PRKN: variants seen among roughly 807,000 people sequenced by gnomAD.
PRKN encodes E3 ubiquitin-protein ligase parkin.
A neutral mutation model predicts 59.5 loss-of-function variants in PRKN; 56 were observed. The observed-to-expected ratio is 0.94, with a 90% CI of 0.76 to 1.18. The LOEUF (loss-of-function observed/expected upper bound fraction) is 1.18. Among genes scored for constraint, PRKN ranks in the 50% most tolerant of loss-of-function variants. PRKN has a pLI of 0.00. For synonymous variants in PRKN, 250 were observed against 222.1 expected (o/e 1.13, Z -1.12); for missense variants, 657 against 596.4 (o/e 1.10, Z -1.06).
chr6:161,948,197 G>A (rs1333506835), intron 6 of PRKN, among the ~76,000 whole-genome samples: 1 of 152,076 alleles, frequency 6.6e-6, no homozygotes, highest in Non-Finnish European at 1.5e-5. Flanking sequence ...ATGTTGGCCA[G>A]GCTGGTCTTG....
intron 2 of PRKN, among the ~76,000 whole-genome samples, chr6:162,383,660 T>C (rs1389529411): frequency 6.6e-6 from 1 of 152,174 alleles, no homozygotes; most frequent in Non-Finnish European, 1.5e-5. Context: ...ACATTTGCCC[T>C]TCACAAAAGG....
intron 3 of PRKN, among the ~76,000 whole-genome samples, chr6:162,208,573 T>C (rs1231704560): frequency 6.6e-6 from 1 of 152,140 alleles, no homozygotes; most frequent in African/African-American, 2.4e-5. Context: ...AAATTTCCCA[T>C]ACCAAGACAA....
chr6:162,645,244 C>T (rs1358277036), intron 1 of PRKN, among the ~76,000 whole-genome samples: 1 of 152,038 alleles, frequency 6.6e-6, no homozygotes, highest in African/African-American at 2.4e-5. Flanking sequence ...CAGGAAATTA[C>T]ATAAAATATC....
intron 1 of PRKN, among the ~76,000 whole-genome samples, chr6:162,720,048 G>A (rs2849552): frequency 0.92 from 139,459 of 152,250 alleles, 64,035 homozygotes; most frequent in East Asian, 0.98. Flanking sequence ...TCTACTCTGC[G>A]GGTACAATAA....
chr6:162,697,672 T>C (rs1224155323), intron 1 of PRKN, among the ~76,000 whole-genome samples: 2 of 152,162 alleles, frequency 1.3e-5, no homozygotes, highest in Non-Finnish European at 2.9e-5. Flanking sequence ...TAGGATTTTA[T>C]TGAAGGTCAA....
chr6:162,381,361 A>G (rs1786474736), intron 2 of PRKN, among the ~76,000 whole-genome samples: 1 of 151,816 alleles, frequency 6.6e-6, no homozygotes, highest in Non-Finnish European at 1.5e-5. Context: ...CTGTATCCTA[A>G]TTTTCCCCAC....
At chr6:162,184,830 G>T (rs1783954507) in intron 4 of PRKN, among the ~76,000 whole-genome samples, 1 of 152,142 alleles carries the variant, frequency 6.6e-6, no homozygotes, top group South Asian at 2.1e-4. Context: ...GCAATATTGA[G>T]AAGTTTTGGT....
Position 161,530,728 on chromosome 6 carries a change from G to A in PRKN, c.1083+18126C>T, listed in dbSNP as rs944905935. ...AGACGGGGTTTCTCTATGTTGGTCA[G>A]GCCAGTCTCGAACTCCTGACCTCAG... On this transcript the variant is annotated intron_variant, in intron 9 of 11. Transcript: ENST00000366898. The surrounding 1 kb of genome is among the most constrained non-coding windows in gnomAD (Gnocchi z 5.0). Among the ~76,000 whole-genome samples, 3 of 151,752 alleles carry A rather than the reference G, an allele frequency of 2.0e-5. No individual in the cohort carries two copies. The highest frequency in any genetic ancestry group is 7.3e-5 in the African/African-American group (3 of 41,320).
rs186523930 is a variant in PRKN at position 162,043,827 on chromosome 6, G to A, written c.618+10264C>T. ...TCATACTGGATCATCCATTTCTAGC[G>A]ATTATAGATAACAGAGTTGCTGATA... On this transcript the variant is annotated intron_variant, in intron 5 of 11. Transcript: ENST00000366898. 3.1e-4 allele frequency among the ~76,000 whole-genome samples: 47 copies of A among 152,320 alleles called. 1 individual carries two copies. In the East Asian group the frequency reaches 6.4e-3, roughly 21 times the overall value.
At chr6:161,713,824 C>T (rs909585282) in intron 7 of PRKN, among the ~76,000 whole-genome samples, 5 of 152,084 alleles carry the variant, frequency 3.3e-5, no homozygotes, top group South Asian at 4.1e-4. Context: ...AGGAACCTGG[C>T]GGGAGGTAAT....
chr6:162,339,373 G>A (rs1248819772), intron 2 of PRKN, among the ~76,000 whole-genome samples: 2 of 146,082 alleles, frequency 1.4e-5, no homozygotes, highest in East Asian at 2.2e-4. Flanking sequence ...CAGCCGCCCC[G>A]TCCGGGAGGG....
chr6:162,221,108 T>G (rs1210625148), intron 3 of PRKN, among the ~76,000 whole-genome samples: 1 of 152,210 alleles, frequency 6.6e-6, no homozygotes, highest in Non-Finnish European at 1.5e-5. Context: ...GACTGGTTCC[T>G]GCTGGAATAG....
intron 1 of PRKN, among the ~76,000 whole-genome samples, chr6:162,619,903 A>C (rs1782590944): frequency 6.6e-6 from 1 of 152,136 alleles, no homozygotes; most frequent in Non-Finnish European, 1.5e-5. Flanking sequence ...TCTACAATGC[A>C]CTTTATTAGT....
intron 7 of PRKN, among the ~76,000 whole-genome samples, chr6:161,686,894 GA>G (rs1485987159): frequency 6.6e-6 from 1 of 152,194 alleles, no homozygotes; most frequent in East Asian, 1.9e-4. Flanking sequence ...AACCACGCCT[GA>G]CCTTGGAGCT....
chr6:162,172,694 G>A (rs1211426405), intron 4 of PRKN, among the ~76,000 whole-genome samples: 1 of 152,108 alleles, frequency 6.6e-6, no homozygotes, highest in Non-Finnish European at 1.5e-5. Flanking sequence ...CTGGTCCCTT[G>A]GTTTAGTCCC....
intron 6 of PRKN, among the ~76,000 whole-genome samples, chr6:161,839,638 C>A: frequency 6.6e-6 from 1 of 152,072 alleles, no homozygotes; most frequent in Admixed American, 6.5e-5. Context: ...TATCCCTGTC[C>A]CTTGATTTTT....
chr6:161,977,445 C>T (rs1379665322), intron 5 of PRKN, among the ~76,000 whole-genome samples: 2 of 151,756 alleles, frequency 1.3e-5, no homozygotes, highest in African/African-American at 4.8e-5. Context: ...ATCTTTTCAT[C>T]CTGAAGGGAA....
chr6:161,729,105 G>A (rs959364559), intron 7 of PRKN, among the ~76,000 whole-genome samples: 7 of 152,228 alleles, frequency 4.6e-5, no homozygotes, highest in African/African-American at 1.4e-4. Flanking sequence ...CTCTTCCCAT[G>A]AAGTATAATT....
Position 162,439,253 on chromosome 6 carries a change from TGGATAAAAAACA to T in PRKN, c.171+4045_171+4056del, listed in dbSNP as rs869115040. Among the ~76,000 whole-genome samples the T allele has an allele frequency of 6.6e-5, 10 of 152,208 alleles. 1 individual carries two copies. The highest frequency in any genetic ancestry group is 2.4e-4 in the African/African-American group (10 of 41,554). Reference sequence around the variant, plus strand: ...CTAGGCAGCCCCTTTCTGAGTCCTCTGGATAAAAAACAGGCCATTGTTGGGGATTTCTTCCTT... The same window carrying T: ...CTAGGCAGCCCCTTTCTGAGTCCTCTGGCCATTGTTGGGGATTTCTTCCTT... On this transcript the variant is annotated intron_variant, in intron 2 of 11. Coordinates refer to ENST00000366898, the MANE Select transcript of PRKN (RefSeq NM_004562.3).
Sources: allele counts gnomAD v4.1 joint callset (sites outside exome capture counted in the v4.1 genomes callset), GRCh38; gene constraint gnomAD v4.1.1; non-coding constraint Gnocchi (gnomAD v3.1); transcripts MANE v1.5; gene names NCBI Gene and HGNC (gene_info 2026-07-23, HGNC 2026-07-21).